Variants in SPAG16 observed in about 807,000 individuals in gnomAD.
The protein encoded by SPAG16 is sperm associated antigen 16.
SPAG16 carries 86 observed loss-of-function variants against 80.4 expected under a neutral mutation model. The observed-to-expected ratio is 1.07, with a 90% confidence interval of 0.90 to 1.28. SPAG16 has a LOEUF of 1.28. SPAG16 is among the 50% of genes most tolerant of loss of function. The pLI is 0.00. For missense variants in SPAG16, 870 were observed against 765.3 expected (o/e 1.14, Z -1.61); for synonymous variants, 294 against 265.9 (o/e 1.11, Z -1.03).
At chr2:214,130,501 G>A (rs1248651283) in intron 14 of SPAG16, among the ~76,000 whole-genome samples, 1 of 152,168 alleles carries the variant, frequency 6.6e-6, no homozygotes, top group Non-Finnish European at 1.5e-5. Flanking sequence ...CATACAGAGT[G>A]ATGCCAAACT....
intron 10 of SPAG16, among the ~76,000 whole-genome samples, chr2:213,862,020 A>C (rs1010915408): frequency 6.6e-6 from 1 of 152,170 alleles, no homozygotes; most frequent in African/African-American, 2.4e-5. Flanking sequence ...TTACAGAACT[A>C]TGATAATGTG....
chr2:214,192,974 G>C (rs990987929), intron 15 of SPAG16, among the ~76,000 whole-genome samples: 1 of 152,062 alleles, frequency 6.6e-6, no homozygotes, highest in African/African-American at 2.4e-5. Flanking sequence ...AGGGACAGAA[G>C]CCAAGTGACG....
At chr2:214,170,983 A>G (rs1244442365) in intron 15 of SPAG16, among the ~76,000 whole-genome samples, 1 of 152,056 alleles carries the variant, frequency 6.6e-6, no homozygotes, top group Non-Finnish European at 1.5e-5. Flanking sequence ...GCAGGCTGCC[A>G]TATAGCACTG....
chr2:214,385,979 C>T (rs1700726549), intron 15 of SPAG16, among the ~76,000 whole-genome samples: 1 of 152,232 alleles, frequency 6.6e-6, no homozygotes, highest in Non-Finnish European at 1.5e-5. Context: ...TTTGCTTTCA[C>T]ATGGTCTCTT....
intron 9 of SPAG16, among the ~76,000 whole-genome samples, chr2:213,462,896 G>A (rs182695483): frequency 6.6e-5 from 10 of 152,302 alleles, no homozygotes; most frequent in African/African-American, 1.9e-4. Flanking sequence ...ACCCCAAAAT[G>A]TGGAAGCTAC....
chr2:214,134,973 T>C (rs1254213075), intron 14 of SPAG16, among the ~76,000 whole-genome samples: 1 of 152,198 alleles, frequency 6.6e-6, no homozygotes, highest in Non-Finnish European at 1.5e-5. Context: ...GACACCTTCC[T>C]GCCTTCTCTT....
chr2:214,135,271 G>T (rs2054988084), intron 14 of SPAG16, among the ~76,000 whole-genome samples: 1 of 152,146 alleles, frequency 6.6e-6, no homozygotes, highest in African/African-American at 2.4e-5. Context: ...GGTCACAGTA[G>T]AGTTCAGTAA....
intron 1 of SPAG16, among the ~76,000 whole-genome samples, chr2:213,291,864 C>G (rs904701052): frequency 7.9e-5 from 12 of 152,130 alleles, no homozygotes; most frequent in African/African-American, 2.9e-4. Context: ...TATATCTGTG[C>G]TGTTTGACCT....
chr2:214,030,481 A>G (rs1221255284), intron 13 of SPAG16, among the ~76,000 whole-genome samples: 1 of 152,184 alleles, frequency 6.6e-6, no homozygotes, highest in Non-Finnish European at 1.5e-5. Flanking sequence ...GTATATTGAC[A>G]TTGTAAATAG....
intron 6 of SPAG16, 146 bp downstream of exon 6, chr2:213,340,416 T>G (rs1575264096): frequency 1.6e-6 from 1 of 630,266 alleles, no homozygotes; most frequent in Non-Finnish European, 2.8e-6. Context: ...CTGTCAAGGG[T>G]CTCAGAAAAT....
chr2:213,295,828 A>C (rs1209542762), intron 1 of SPAG16, among the ~76,000 whole-genome samples: 1 of 152,182 alleles, frequency 6.6e-6, no homozygotes, highest in Non-Finnish European at 1.5e-5. Flanking sequence ...AAAGACAGAT[A>C]GCAATGTAGG....
chr2:214,396,611 C>G (rs564215433), intron 15 of SPAG16, among the ~76,000 whole-genome samples: 3 of 152,194 alleles, frequency 2.0e-5, no homozygotes, highest in East Asian at 3.9e-4. Context: ...ATCCCTTCTT[C>G]TTACATGTTC....
At chr2:214,366,710 A>G (rs1699504274) in intron 15 of SPAG16, among the ~76,000 whole-genome samples, 1 of 152,154 alleles carries the variant, frequency 6.6e-6, no homozygotes, top group Non-Finnish European at 1.5e-5. Flanking sequence ...GCTTCTAATC[A>G]TTGGAAAACA....
chr2:213,677,564 C>A (rs1249034304), intron 10 of SPAG16, among the ~76,000 whole-genome samples: 11 of 152,052 alleles, frequency 7.2e-5, no homozygotes, highest in African/African-American at 2.7e-4. Context: ...ACAAGAAGAG[C>A]TAACTATCCT....
intron 10 of SPAG16, among the ~76,000 whole-genome samples, chr2:213,797,700 C>T (rs2071132579): frequency 6.6e-6 from 1 of 152,214 alleles, no homozygotes; most frequent in African/African-American, 2.4e-5. Context: ...CTGTGTACCA[C>T]ATTTTGTTTA....
At chr2:214,167,234 G>C (rs1046759386) in intron 15 of SPAG16, among the ~76,000 whole-genome samples, 1 of 152,014 alleles carries the variant, frequency 6.6e-6, no homozygotes, top group Non-Finnish European at 1.5e-5. Flanking sequence ...ATCTATCTTG[G>C]TAACTGGTGT....
chr2:213,851,414 A>G lies in SPAG16; in HGVS notation c.1071-11071A>G, dbSNP rs957537796. On this transcript the variant is annotated intron_variant, in intron 10 of 15. Coordinates refer to ENST00000331683, the MANE Select transcript of SPAG16 (RefSeq NM_024532.5). ...TCTCAGCTACTTGAGAGTCCGAGGC[A>G]GGAGAATCACTTTAACCCAGTAGGC... is the stretch of plus-strand genomic sequence containing the variant. Among the ~76,000 whole-genome samples, 3 of 152,318 alleles carry G rather than the reference A, an allele frequency of 2.0e-5. No homozygotes were observed. The South Asian group carries it at 6.2e-4, about 32-fold the overall frequency.
intron 14 of SPAG16, among the ~76,000 whole-genome samples, chr2:214,146,015 C>T (rs1022976562): frequency 6.6e-6 from 1 of 152,108 alleles, no homozygotes; most frequent in African/African-American, 2.4e-5. Flanking sequence ...AGTACTACTA[C>T]CAATGATAAC....
At chr2:214,246,464 T>C (rs1689856218) in intron 15 of SPAG16, among the ~76,000 whole-genome samples, 1 of 152,072 alleles carries the variant, frequency 6.6e-6, no homozygotes, top group Non-Finnish European at 1.5e-5. Context: ...CTTCTGAAGG[T>C]TGATTAGGAA....
Sources: allele counts gnomAD v4.1 joint callset (sites outside exome capture counted in the v4.1 genomes callset), GRCh38; gene constraint gnomAD v4.1.1; transcripts MANE v1.5; gene names NCBI Gene and HGNC (gene_info 2026-07-23, HGNC 2026-07-21).